The following MED13L variants were observed in gnomAD, a reference collection of about 807,000 sequenced individuals.
MED13L encodes mediator of RNA polymerase II transcription subunit 13-like.
A neutral mutation model predicts 220.9 loss-of-function variants in MED13L; 7 were observed. That is an observed-to-expected ratio of 0.03 (90% CI 0.02 to 0.06). The LOEUF is 0.06. Among genes scored for constraint, MED13L ranks in the 10% least tolerant of loss-of-function variants. MED13L has a pLI of 1.00. For synonymous variants in MED13L, 1,011 were observed against 1,015.2 expected (o/e 1.00, Z 0.08); for missense variants, 1,965 against 2,760.5 (o/e 0.71, Z 6.46).
intron 3 of MED13L, among the ~76,000 whole-genome samples, chr12:116,100,861 C>T (rs1873011427): frequency 6.6e-6 from 1 of 152,134 alleles, no homozygotes; most frequent in South Asian, 2.1e-4. Flanking sequence ...CTGCAATGAG[C>T]TGTGATGGCA....
chr12:116,259,142 T>C (rs746928287), intron 1 of MED13L, among the ~76,000 whole-genome samples: 6 of 152,124 alleles, frequency 3.9e-5, no homozygotes, highest in African/African-American at 4.8e-5. Context: ...AAACAAACAA[T>C]AGTACATCCA....
intron 7 of MED13L, among the ~76,000 whole-genome samples, chr12:116,018,362 A>G (rs1879855725): frequency 6.6e-6 from 1 of 152,150 alleles, no homozygotes; most frequent in South Asian, 2.1e-4. Flanking sequence ...GAAACTTTCA[A>G]ATTTTGTCTT....
intron 2 of MED13L, among the ~76,000 whole-genome samples, chr12:116,176,255 A>C (rs1217483877): frequency 6.6e-6 from 1 of 152,162 alleles, no homozygotes; most frequent in Admixed American, 6.5e-5. Context: ...ATAATAGCAG[A>C]CCATCCTTTA....
intron 1 of MED13L, among the ~76,000 whole-genome samples, chr12:116,250,025 T>TAAAAAAAAAAAAAAAAA (rs71095516): frequency 2.5e-5 from 1 of 40,462 alleles, no homozygotes. Context: ...CAGCATAAAC[T>TAAAAAAAAAAAAAAAAA]AAAAAAAAAA....
At chr12:116,121,987 A>T (rs1875140324) in intron 2 of MED13L, among the ~76,000 whole-genome samples, 1 of 152,192 alleles carries the variant, frequency 6.6e-6, no homozygotes, top group South Asian at 2.1e-4. Context: ...TCCCAGTTAG[A>T]TTTCAGTAAC....
intron 2 of MED13L, chr12:116,237,027 G>T: frequency 3.9e-6 from 1 of 257,130 alleles, no homozygotes; most frequent in Non-Finnish European, 6.1e-6. Flanking sequence ...GTCCAATTAG[G>T]CTCAAAACTA....
intron 2 of MED13L, among the ~76,000 whole-genome samples, chr12:116,132,744 A>G (rs577668451): frequency 1.3e-5 from 2 of 152,162 alleles, no homozygotes; most frequent in African/African-American, 4.8e-5. Context: ...ACATGGCGAA[A>G]CCCTGTCTCT....
At chr12:116,226,453 T>C (rs1869006837) in intron 2 of MED13L, among the ~76,000 whole-genome samples, 1 of 152,142 alleles carries the variant, frequency 6.6e-6, no homozygotes, top group Admixed American at 6.5e-5. Flanking sequence ...TTAAAGAAAA[T>C]TATGGAACAC....
At chr12:116,001,899 G>A (rs568427851) in intron 14 of MED13L, among the ~76,000 whole-genome samples, 2 of 152,302 alleles carry the variant, frequency 1.3e-5, no homozygotes, top group African/African-American at 2.4e-5. Flanking sequence ...GGATGTCTGC[G>A]AGTGAAAAGC....
intron 2 of MED13L, among the ~76,000 whole-genome samples, chr12:116,168,764 A>T (rs1374700125): frequency 6.6e-6 from 1 of 152,182 alleles, no homozygotes; most frequent in African/African-American, 2.4e-5. Context: ...AAGTGGTCTC[A>T]AACTCCTTGG....
rs559812857 is a variant in MED13L at position 115,991,876 on chromosome 12, G to A, written c.3078C>T (p.Ser1026=). The A allele has an allele frequency of 1.2e-5, 19 of 1,604,920 alleles. No homozygotes were observed. The highest frequency in any genetic ancestry group is 6.7e-5 in the East Asian group (3 of 44,846). Residue 1026 remains serine, a synonymous_variant, in exon 17 of 31, where the codon AGC becomes AGT. Coordinates refer to ENST00000281928, the MANE Select transcript of MED13L (RefSeq NM_015335.5). This position sits in a 1 kb window ranked among gnomAD's most constrained non-coding sequence, Gnocchi z 7.7. Reference sequence around the variant, plus strand: ...CCCCACTATTGCTGGCTGGGGCAGCGCTGTTCAACGTCACGGGTGTGTTCA... The same window carrying A: ...CCCCACTATTGCTGGCTGGGGCAGCACTGTTCAACGTCACGGGTGTGTTCA... ...PQMNTPVTLN[S]AAPASNSGAG...
chr12:116,104,030 G>A (rs1238482929), intron 3 of MED13L, among the ~76,000 whole-genome samples: 2 of 61,696 alleles, frequency 3.2e-5, no homozygotes, highest in Non-Finnish European at 6.1e-5. Flanking sequence ...TTTTTTTTGA[G>A]ACGGAGTTTC....
At chr12:116,277,038 T>G (rs747819542) in intron 1 of MED13L, 22 bp downstream of exon 1, 10 of 788,362 alleles carry the variant, frequency 1.3e-5, no homozygotes, top group Middle Eastern at 3.3e-4. Context: ...CACAGCCCCC[T>G]CCCCGCAGCC....
intron 11 of MED13L, 81 bp from the exon 12 acceptor site, chr12:116,006,492 A>C (rs935697107): frequency 2.7e-6 from 3 of 1,115,952 alleles, no homozygotes; most frequent in Non-Finnish European, 4.1e-6. Context: ...AAAGAATTAG[A>C]GGGTAGAATG....
intron 4 of MED13L, among the ~76,000 whole-genome samples, chr12:116,025,430 C>T (rs1880330362): frequency 1.3e-5 from 2 of 152,146 alleles, no homozygotes; most frequent in African/African-American, 2.4e-5. Context: ...ATCTGCACTC[C>T]CTTGCTTATT....
chr12:116,023,319 G>A (rs919385058), intron 4 of MED13L, among the ~76,000 whole-genome samples: 1 of 152,068 alleles, frequency 6.6e-6, no homozygotes, highest in African/African-American at 2.4e-5. Context: ...TTACGAACAA[G>A]ATCAGAAGGC....
intron 1 of MED13L, among the ~76,000 whole-genome samples, chr12:116,242,293 C>T (rs1211127066): frequency 6.6e-6 from 1 of 152,132 alleles, no homozygotes; most frequent in African/African-American, 2.4e-5. Flanking sequence ...GATACGCTTG[C>T]CTTGGCCTCC....
intron 2 of MED13L, among the ~76,000 whole-genome samples, chr12:116,133,918 C>T (rs776708791): frequency 2.0e-5 from 3 of 152,164 alleles, no homozygotes; most frequent in Non-Finnish European, 2.9e-5. Context: ...AAACCAGCAT[C>T]GACCACCAGC....
chr12:116,031,354 C>G (rs541052217), intron 4 of MED13L, among the ~76,000 whole-genome samples: 1 of 151,404 alleles, frequency 6.6e-6, no homozygotes, highest in East Asian at 1.9e-4. Context: ...CAGAGGCGGG[C>G]GGATCACGAG....
Sources: allele counts gnomAD v4.1 joint callset (sites outside exome capture counted in the v4.1 genomes callset), GRCh38; gene constraint gnomAD v4.1.1; non-coding constraint Gnocchi (gnomAD v3.1); transcripts MANE v1.5; gene names NCBI Gene and HGNC (gene_info 2026-07-23, HGNC 2026-07-21).